Variants in HDAC1 observed in about 807,000 individuals in gnomAD.
HDAC1 encodes the protein protein deacetylase HDAC1.
In HDAC1, 18 loss-of-function variants were observed where a neutral mutation model predicts 65.5. The observed-to-expected ratio is 0.27, with a 90% CI of 0.19 to 0.41. The LOEUF (loss-of-function observed/expected upper bound fraction) is 0.41. HDAC1 is among the 10% of genes least tolerant of loss of function. The pLI is 1.00. For synonymous variants in HDAC1, 211 were observed against 227.9 expected (o/e 0.93, Z 0.67); for missense variants, 373 against 625.2 (o/e 0.60, Z 4.30).
Position 32,332,117 on chromosome 1 carries a change from G to A in HDAC1, c.1247G>A (p.Cys416Tyr), listed in dbSNP as rs1237236844. The change falls in exon 12 of 14, where the codon TGT (cysteine) becomes TAT (tyrosine). Residue 416 changes from cysteine to tyrosine, a missense_variant. This residue lies in a region of HDAC1 where 126 missense variants were observed against 126.2 expected (regional missense o/e 1.00). Transcript: ENST00000373548. ...TGCTCCTCTGACAAACGAATTGCCT[G>A]TGAGGAAGAGTTCTCCGATTCTGAA... The part of the protein sequence containing the change: ...SICSSDKRIA[C>Y]EEEFSDSEEE... 6.2e-7 allele frequency: 1 copy of A among 1,608,578 alleles called. No homozygotes were observed. Among genetic ancestry groups the A allele is most frequent in the Non-Finnish European group, 8.5e-7 (1 of 1,177,582 alleles).
rs2148070294 is a variant in HDAC1, at chr1:32,327,001, C to T, written c.418C>T (p.His140Tyr). ...CGCTGTGAATTGGGCTGGGGGCCTG[C>T]ACCATGCAAAGAAGTCCGAGGCATC... ...DIAVNWAGGL[H>Y]HAKKSEASGF... Residue 140 changes from histidine to tyrosine, a missense_variant, in exon 5 of 14, where the codon CAC becomes TAC. His to Tyr is a moderately conservative substitution (Grantham distance 83). Transcript: ENST00000373548. The surrounding 1 kb of genome is among the most constrained non-coding windows in gnomAD (Gnocchi z 6.0). 1 of 1,614,088 alleles carries T rather than the reference C, an allele frequency of 6.2e-7. No homozygotes were observed. The highest frequency in any genetic ancestry group is 8.5e-7 in the Non-Finnish European group (1 of 1,179,974).
Position 32,331,500 on chromosome 1 carries a change from T to C in HDAC1, c.1006T>C (p.Tyr336His), listed in dbSNP as rs1161408518. The C allele has an allele frequency of 6.2e-7, 1 of 1,610,618 alleles. No individual in the cohort carries two copies. ...NELPYNDYFEYFGPDFKLHIS... is the reference protein window; with the variant it reads ...NELPYNDYFEHFGPDFKLHIS... Reference sequence around the variant, plus strand: ...GCTTCCATACAATGACTACTTTGAATACTTTGGACCAGATTTCAAGCTCCA... The same window carrying C: ...GCTTCCATACAATGACTACTTTGAACACTTTGGACCAGATTTCAAGCTCCA... Residue 336 changes from tyrosine to histidine, a missense_variant, in exon 10 of 14, where the codon TAC becomes CAC. Physicochemically the swap from Tyr to His is moderately conservative, Grantham distance 83. Coordinates refer to ENST00000373548, the MANE Select transcript of HDAC1 (RefSeq NM_004964.3). This position sits in a 1 kb window ranked among gnomAD's most constrained non-coding sequence, Gnocchi z 4.2.
chr1:32,316,238 T>C (rs60719170), intron 2 of HDAC1, among the ~76,000 whole-genome samples: 8,084 of 151,126 alleles, frequency 0.053, 735 homozygotes, highest in African/African-American at 0.19. Flanking sequence ...GAGCCGAGAT[T>C]GCGCCACTGC....
At chr1:32,332,813 ACT>A (rs912245862) in intron 13 of HDAC1, 64 bp downstream of exon 13, 1 of 1,415,236 alleles carries the variant, frequency 7.1e-7, no homozygotes, top group African/African-American at 1.4e-5. Context: ...TTGTCCCACC[ACT>A]CTGAGGAAAG....
chr1:32,327,174 C>T lies in HDAC1; in HGVS notation c.494+97C>T. 7.9e-7 allele frequency: 1 copy of T among 1,259,154 alleles called. No homozygotes were observed. The highest frequency in any genetic ancestry group is 1.1e-6 in the Non-Finnish European group (1 of 881,084). The allele number at this position is 1,259,154 out of a possible 1,614,324, so 78.0% of individuals were successfully genotyped here. On this transcript the variant is annotated intron_variant, in intron 5 of 13. Coordinates refer to ENST00000373548, the MANE Select transcript of HDAC1 (RefSeq NM_004964.3). This position sits in a 1 kb window ranked among gnomAD's most constrained non-coding sequence, Gnocchi z 6.0. Reference sequence around the variant, plus strand: ...TTGCCTCCCTAGTTTGCTTTTCCTACCGATGTGCTGGCTAGGATGTGCTCG... The same window carrying T: ...TTGCCTCCCTAGTTTGCTTTTCCTATCGATGTGCTGGCTAGGATGTGCTCG...
rs139107554 is a variant in HDAC1 at position 32,329,980 on chromosome 1, C to T, written c.730-598C>T. The stretch of plus-strand genomic sequence containing the variant: ...GGCGGTGGGAAGTGTATGCTGGGCT[C>T]AGTATTTCAAAGGGAGCCTTGAATG... On this transcript the variant is annotated intron_variant, in intron 7 of 13. Transcript: ENST00000373548. This position sits in a 1 kb window ranked among gnomAD's most constrained non-coding sequence, Gnocchi z 4.1. 6.5e-6 allele frequency: 1 copy of T among 154,316 alleles called. No individual in the cohort carries two copies. Among genetic ancestry groups the T allele is most frequent in the East Asian group, 1.9e-4 (1 of 5,212 alleles). The allele number at this position is 154,316 out of a possible 1,614,324, so 9.6% of individuals were successfully genotyped here. A position where few individuals can be genotyped will look rare whatever the true frequency, so the allele number is the denominator to read the frequency against.
intron 2 of HDAC1, among the ~76,000 whole-genome samples, chr1:32,312,521 A>T (rs1190292606): frequency 6.6e-6 from 1 of 151,222 alleles, no homozygotes; most frequent in Non-Finnish European, 1.5e-5. Flanking sequence ...CACCACACTC[A>T]GCTAATTTTT....
Position 32,325,554 on chromosome 1 carries a change from A to G in HDAC1, c.355+1001A>G, listed in dbSNP as rs963958678. On this transcript the variant is annotated intron_variant, in intron 4 of 13. Transcript: ENST00000373548. ...TATTTTACAAAAGTGGGTTATATAC[A>G]TATCACATATATATGGTTTTATGCC... Among the ~76,000 whole-genome samples the G allele has an allele frequency of 3.3e-5, 5 of 152,224 alleles. No individual in the cohort carries two copies. The East Asian group carries it at 9.6e-4, about 29-fold the overall frequency.
chr1:32,325,919 T>C (rs551677274), intron 4 of HDAC1, among the ~76,000 whole-genome samples: 1 of 151,854 alleles, frequency 6.6e-6, no homozygotes, highest in South Asian at 2.1e-4. Flanking sequence ...CCCAGCTACT[T>C]GGGAGGCTGA....
chr1:32,299,175 T>C (rs1267135331), intron 1 of HDAC1, among the ~76,000 whole-genome samples: 1 of 152,160 alleles, frequency 6.6e-6, no homozygotes. Context: ...GGTGGAATTC[T>C]AAGGAAGTGG....
chr1:32,309,263 A>G (rs1452822222), intron 2 of HDAC1, among the ~76,000 whole-genome samples: 2 of 152,210 alleles, frequency 1.3e-5, no homozygotes, highest in Middle Eastern at 3.2e-3. Flanking sequence ...TGGTGAGTGT[A>G]ATGATAAGGG....
At chr1:32,319,401 AAC>A (rs1382280421) in intron 3 of HDAC1, among the ~76,000 whole-genome samples, 3 of 152,328 alleles carry the variant, frequency 2.0e-5, no homozygotes, top group Admixed American at 2.0e-4. Flanking sequence ...GATGTCACTT[AAC>A]ACAGTGCTTT....
rs112726602 is a variant in HDAC1 at position 32,320,225 on chromosome 1, GA to G, written c.280+3456del. ...ACAGAGCGAGACTCCTTCTCAAAAA[GA>G]AAAAAAAAAAAACCCACACACACAC... On this transcript the variant is annotated intron_variant, in intron 3 of 13. Transcript: ENST00000373548. Among the ~76,000 whole-genome samples, 306 of 121,744 alleles carry G rather than the reference GA, an allele frequency of 2.5e-3. 2 individuals carry two copies. Among genetic ancestry groups the G allele is most frequent in the Middle Eastern group, 8.4e-3 (2 of 238 alleles). 79.9% of individuals were successfully genotyped at this position (121,744 alleles called of 152,430 possible). A position where few individuals can be genotyped will look rare whatever the true frequency, so the allele number is the denominator to read the frequency against.
In HDAC1 at chr1:32,331,559, G is replaced by GA; in HGVS notation, c.1067dup (p.Asn356LysfsTer2). ...CTTCCAATATGACTAACCAGAACACGAATGAGTACCTGGAGAAGATCAAGT... is the reference window on the plus strand; with the variant it reads ...CTTCCAATATGACTAACCAGAACACGAAATGAGTACCTGGAGAAGATCAAGT... On this transcript the variant is annotated frameshift_variant, in exon 10 of 14. Transcript: ENST00000373548. LOFTEE classifies it high-confidence loss of function. This position sits in a 1 kb window ranked among gnomAD's most constrained non-coding sequence, Gnocchi z 4.2. The GA allele has an allele frequency of 6.2e-7, 1 of 1,610,074 alleles. No individual in the cohort carries two copies. Among genetic ancestry groups the GA allele is most frequent in the Non-Finnish European group, 8.5e-7 (1 of 1,176,390 alleles).
chr1:32,331,712 C>G lies in HDAC1; in HGVS notation c.1125C>G (p.His375Gln). 1 of 1,614,006 alleles carries G rather than the reference C, an allele frequency of 6.2e-7. No homozygotes were observed. The highest frequency in any genetic ancestry group is 1.1e-5 in the South Asian group (1 of 91,068). ...TTGAGAACCTTAGAATGCTGCCGCA[C>G]GCACCTGGGGTCCAAATGCAGGCGA... Reference protein sequence around the residue: ...RLFENLRMLPHAPGVQMQAIP... With the variant: ...RLFENLRMLPQAPGVQMQAIP... The change falls in exon 11 of 14, where the codon CAC (histidine) becomes CAG (glutamine). Residue 375 changes from histidine to glutamine, a missense_variant. This residue lies in a region of HDAC1 where 105 missense variants were observed against 192.6 expected (regional missense o/e 0.55). Coordinates refer to ENST00000373548, the MANE Select transcript of HDAC1 (RefSeq NM_004964.3). This position sits in a 1 kb window ranked among gnomAD's most constrained non-coding sequence, Gnocchi z 4.2.
Position 32,330,410 on chromosome 1 carries a change from C to A in HDAC1, c.730-168C>A. ...TTTTTAAATTGGAAAATTGAAATCC[C>A]AAGTGGGCAAGCAAGGGCTCCAGCC... On this transcript the variant is annotated intron_variant, in intron 7 of 13. Transcript: ENST00000373548. The surrounding 1 kb of genome is among the most constrained non-coding windows in gnomAD (Gnocchi z 4.2). 1.6e-6 allele frequency: 1 copy of A among 633,212 alleles called. No homozygotes were observed. The highest frequency in any genetic ancestry group is 2.8e-6 in the Non-Finnish European group (1 of 352,610). The allele number at this position is 633,212 out of a possible 1,614,324, so 39.2% of individuals were successfully genotyped here. A position where few individuals can be genotyped will look rare whatever the true frequency, so the allele number is the denominator to read the frequency against.
At position 32,327,581 on chromosome 1, in the gene HDAC1, T is replaced by C; in HGVS notation, c.540T>C (p.Gly180=). ...ACATTGACATTGATATTCACCATGGTGACGGCGTGGAAGAGGCCTTCTACA... is the reference window on the plus strand; with the variant it reads ...ACATTGACATTGATATTCACCATGGCGACGGCGTGGAAGAGGCCTTCTACA... ...VLYIDIDIHH[G]DGVEEAFYTT... is the part of the protein sequence containing the mutation. Residue 180 remains glycine (G), a synonymous_variant, in exon 6 of 14, where the codon GGT becomes GGC. Coordinates refer to ENST00000373548, the MANE Select transcript of HDAC1 (RefSeq NM_004964.3). The surrounding 1 kb of genome is among the most constrained non-coding windows in gnomAD (Gnocchi z 6.0). 1 of 1,613,008 alleles carries C rather than the reference T, an allele frequency of 6.2e-7. No individual in the cohort carries two copies. Among genetic ancestry groups the C allele is most frequent in the Middle Eastern group, 1.7e-4 (1 of 6,042 alleles).
At chr1:32,319,272 CT>C (rs1241538849) in intron 3 of HDAC1, among the ~76,000 whole-genome samples, 2 of 152,016 alleles carry the variant, frequency 1.3e-5, no homozygotes, top group African/African-American at 4.8e-5. Context: ...ATAATTAGGT[CT>C]TGGATTTTTC....
Position 32,331,411 on chromosome 1 carries a change from C to CGTGCAAATGGTTAGGG in HDAC1, c.980-62_980-47dup. ...ACCTACAAATGCTTTAGGGTGCTTACGTGCAAATGGTTAGGGTGCGGTGGC... is the reference window on the plus strand; with the variant it reads ...ACCTACAAATGCTTTAGGGTGCTTACGTGCAAATGGTTAGGGGTGCAAATGGTTAGGGTGCGGTGGC... On this transcript the variant is annotated intron_variant, in intron 9 of 13. Transcript: ENST00000373548. This position sits in a 1 kb window ranked among gnomAD's most constrained non-coding sequence, Gnocchi z 4.2. 1 of 917,146 alleles carries CGTGCAAATGGTTAGGG rather than the reference C, an allele frequency of 1.1e-6. No homozygotes were observed. 56.8% of individuals were successfully genotyped at this position (917,146 alleles called of 1,614,324 possible). A position where few individuals can be genotyped will look rare whatever the true frequency, so the allele number is the denominator to read the frequency against.
Sources: allele counts gnomAD v4.1 joint callset (sites outside exome capture counted in the v4.1 genomes callset), GRCh38; gene constraint gnomAD v4.1.1; regional missense constraint gnomAD v4.1.1; non-coding constraint Gnocchi (gnomAD v3.1); transcripts MANE v1.5; gene names NCBI Gene and HGNC (gene_info 2026-07-23, HGNC 2026-07-21).